Variants in ADK observed in about 807,000 individuals in gnomAD.
ADK encodes the protein N6,N6-dimethyladenosine kinase.
A neutral mutation model predicts 44.7 loss-of-function variants in ADK; 24 were observed. The observed-to-expected ratio is 0.54, with a 90% CI of 0.39 to 0.76. The LOEUF (loss-of-function observed/expected upper bound fraction) is 0.76, where lower values mean the gene tolerates loss of function less well. Among genes scored for constraint, ADK ranks in the 30% least tolerant of loss-of-function variants. The pLI is 0.00. For missense variants in ADK, 321 were observed against 425.1 expected (o/e 0.76, Z 2.15); for synonymous variants, 128 against 142.6 (o/e 0.90, Z 0.73).
At chr10:74,388,049 C>T (rs977481876) in intron 4 of ADK, among the ~76,000 whole-genome samples, 2 of 152,150 alleles carry the variant, frequency 1.3e-5, no homozygotes, top group South Asian at 2.1e-4. Context: ...GCTGGGATTA[C>T]AGGCATGCGC....
chr10:74,596,459 G>C (rs2133949227), intron 8 of ADK, among the ~76,000 whole-genome samples: 1 of 152,218 alleles, frequency 6.6e-6, no homozygotes, highest in East Asian at 1.9e-4. Flanking sequence ...TACGGTCTCA[G>C]CTCACTGCAA....
chr10:74,615,871 G>A (rs1049282091), intron 9 of ADK, among the ~76,000 whole-genome samples: 1 of 151,942 alleles, frequency 6.6e-6, no homozygotes, highest in African/African-American at 2.4e-5. Context: ...ATCACGCCTG[G>A]CTCATTTTTT....
intron 6 of ADK, among the ~76,000 whole-genome samples, chr10:74,410,152 G>A (rs968955679): frequency 3.3e-5 from 5 of 151,864 alleles, no homozygotes; most frequent in Non-Finnish European, 5.9e-5. Context: ...TATTTTTTTA[G>A]GATTTGGTTA....
chr10:74,397,022 G>C (rs879882703), intron 5 of ADK, among the ~76,000 whole-genome samples: 4 of 151,662 alleles, frequency 2.6e-5, no homozygotes, highest in South Asian at 4.2e-4. Context: ...CCATCAAAAA[G>C]TAGTTTTATT....
chr10:74,670,258 C>G lies in ADK; in HGVS notation c.953C>G (p.Ala318Gly). The G allele has an allele frequency of 6.2e-7, 1 of 1,613,054 alleles. No homozygotes were observed. Among genetic ancestry groups the G allele is most frequent in the Non-Finnish European group, 8.5e-7 (1 of 1,179,142 alleles). ...ATTGATACCAATGGAGCTGGAGATG[C>G]ATTTGTTGGAGGTACAGACTAATTT... ...EIIDTNGAGD[A>G]FVGGFLSQLV... Residue 318 changes from alanine to glycine, a missense_variant, in exon 10 of 11, where the codon GCA becomes GGA. Physicochemically the swap from Ala to Gly is moderately conservative, Grantham distance 60. Transcript: ENST00000539909.
At chr10:74,350,519 G>A (rs1841929362) in intron 4 of ADK, among the ~76,000 whole-genome samples, 1 of 151,976 alleles carries the variant, frequency 6.6e-6, no homozygotes, top group Non-Finnish European at 1.5e-5. Context: ...AGAAGCAACA[G>A]CAAACAAATT....
chr10:74,356,014 T>TTGTTG (rs1564672680), intron 4 of ADK, among the ~76,000 whole-genome samples: 12 of 128,236 alleles, frequency 9.4e-5, no homozygotes, highest in East Asian at 2.2e-4. Flanking sequence ...TTTTTTTTTT[T>TTGTTG]TTTTTTTTTT....
intron 3 of ADK, among the ~76,000 whole-genome samples, chr10:74,230,733 G>A (rs1844728791): frequency 1.3e-5 from 2 of 151,004 alleles, no homozygotes; most frequent in African/African-American, 4.9e-5. Flanking sequence ...CCAGGCTGGA[G>A]TACAGTGGCG....
intron 6 of ADK, among the ~76,000 whole-genome samples, chr10:74,507,111 TG>T (rs1848108517): frequency 6.6e-6 from 1 of 152,194 alleles, no homozygotes. Flanking sequence ...CTTATTAAAT[TG>T]TTTGGACTTA....
chr10:74,664,381 G>A (rs1381998674), intron 9 of ADK, among the ~76,000 whole-genome samples: 2 of 152,102 alleles, frequency 1.3e-5, no homozygotes, highest in Non-Finnish European at 2.9e-5. Context: ...ATATAAGAAA[G>A]CAATAACAGT....
chr10:74,438,745 C>G (rs560860045), intron 6 of ADK, among the ~76,000 whole-genome samples: 2 of 152,178 alleles, frequency 1.3e-5, no homozygotes, highest in East Asian at 3.9e-4. Flanking sequence ...TTTACCCCCT[C>G]TTTTTAGGTT....
At chr10:74,186,229 T>G (rs533321043) in intron 1 of ADK, among the ~76,000 whole-genome samples, 500 of 46,930 alleles carry the variant, frequency 0.011, 4 homozygotes, top group Middle Eastern at 0.095. Context: ...TCCCTTCCCC[T>G]CCTTTCCCTT....
chr10:74,546,167 A>G (rs531455314), intron 7 of ADK, among the ~76,000 whole-genome samples: 3 of 152,346 alleles, frequency 2.0e-5, no homozygotes, highest in Admixed American at 2.0e-4. Flanking sequence ...AAAATAAACT[A>G]GCAGAAATTT....
intron 6 of ADK, among the ~76,000 whole-genome samples, chr10:74,441,782 T>A (rs1271257927): frequency 6.6e-6 from 1 of 152,104 alleles, no homozygotes; most frequent in Non-Finnish European, 1.5e-5. Flanking sequence ...ACTCACAGAA[T>A]GGGAGAAAAT....
intron 6 of ADK, among the ~76,000 whole-genome samples, chr10:74,452,327 G>A (rs1347464182): frequency 6.6e-6 from 1 of 151,834 alleles, no homozygotes; most frequent in African/African-American, 2.4e-5. Context: ...GAGGCTTTGT[G>A]GTGCTGCCTT....
At chr10:74,178,781 T>C (rs1842435758) in intron 1 of ADK, among the ~76,000 whole-genome samples, 1 of 152,248 alleles carries the variant, frequency 6.6e-6, no homozygotes, top group Non-Finnish European at 1.5e-5. Flanking sequence ...TTACATAATC[T>C]TGAACTATGG....
intron 3 of ADK, among the ~76,000 whole-genome samples, chr10:74,241,305 G>T (rs183400740): frequency 2.5e-4 from 38 of 152,218 alleles, no homozygotes; most frequent in Admixed American, 1.8e-3. Context: ...CACATGAATA[G>T]CCTCCCCCAT....
At chr10:74,246,843 A>T (rs1017417656) in intron 3 of ADK, among the ~76,000 whole-genome samples, 1 of 152,186 alleles carries the variant, frequency 6.6e-6, no homozygotes, top group Non-Finnish European at 1.5e-5. Flanking sequence ...ATTTGCAAAG[A>T]TTATAAAACA....
At chr10:74,465,765 TG>T (rs1187268004) in intron 6 of ADK, among the ~76,000 whole-genome samples, 1 of 152,092 alleles carries the variant, frequency 6.6e-6, no homozygotes, top group African/African-American at 2.4e-5. Context: ...AGAGGGTAAA[TG>T]GGGATAATTT....
Sources: gnomAD v4.1 joint callset for allele counts (sites outside exome capture counted in the v4.1 genomes callset) on GRCh38, gnomAD v4.1.1 for gene constraint, MANE v1.5 for transcripts, NCBI Gene and HGNC (gene_info 2026-07-23, HGNC 2026-07-21) for gene names.